Variants in TMEM72 observed in about 807,000 individuals in gnomAD.
TMEM72 encodes transmembrane protein 72.
Under a neutral mutation model 16.3 loss-of-function variants are expected in TMEM72, and 9 were observed. The observed-to-expected ratio is 0.55, with a 90% CI of 0.33 to 0.96. The LOEUF (loss-of-function observed/expected upper bound fraction) is 0.96. Ranked by LOEUF, TMEM72 falls within the 40% of genes least tolerant of loss-of-function variation. TMEM72 has a pLI of 0.03. For synonymous variants in TMEM72, 160 were observed against 146.5 expected (o/e 1.09, Z -0.66); for missense variants, 324 against 337.8 (o/e 0.96, Z 0.32).
At chr10:44,913,616 C>T (rs1839970720) in intron 1 of TMEM72, among the ~76,000 whole-genome samples, 2 of 152,170 alleles carry the variant, frequency 1.3e-5, no homozygotes, top group Admixed American at 1.3e-4. Flanking sequence ...GAGCTCCCTT[C>T]TAATGGCCAG....
At position 44,934,704 on chromosome 10, in the gene TMEM72, G is replaced by T; in HGVS notation, c.398G>T (p.Arg133Leu). 6.2e-7 allele frequency: 1 copy of T among 1,608,246 alleles called. No homozygotes were observed. The highest frequency in any genetic ancestry group is 2.2e-5 in the East Asian group (1 of 44,798). Residue 133 changes from arginine to leucine, a missense_variant, in exon 5 of 5, where the codon CGG (arginine) becomes CTG (leucine). Coordinates refer to ENST00000389583, the MANE Select transcript of TMEM72 (RefSeq NM_001123376.3). ...TGLAYFLLSKRKKRKAAPEVL... is the reference protein window; with the variant it reads ...TGLAYFLLSKLKKRKAAPEVL... Reference sequence around the variant, plus strand: ...CTGGCCTACTTCCTTCTGAGCAAGCGGAAGAAGAGGAAAGCTGCCCCCGAG... The same window carrying T: ...CTGGCCTACTTCCTTCTGAGCAAGCTGAAGAAGAGGAAAGCTGCCCCCGAG...
At chr10:44,931,911 G>A (rs966403545) in intron 2 of TMEM72, 87 bp from the exon 3 acceptor site, 1 of 1,359,394 alleles carries the variant, frequency 7.4e-7, no homozygotes, top group Non-Finnish European at 1.0e-6. Context: ...TAGATGTGAT[G>A]TCAGGAGGCC....
chr10:44,911,439 G>A lies in TMEM72; in HGVS notation c.-74G>A. On this transcript the variant is annotated 5_prime_UTR_variant, in exon 1 of 5. Coordinates refer to ENST00000389583, the MANE Select transcript of TMEM72 (RefSeq NM_001123376.3). ...GCCAGCAGCCTCCTACCTACACAAG[G>A]GTGTTCGGGAGCATCTCAGGGCCGA... The A allele has an allele frequency of 6.8e-7, 1 of 1,478,864 alleles. No homozygotes were observed. Among genetic ancestry groups the A allele is most frequent in the Non-Finnish European group, 9.2e-7 (1 of 1,090,810 alleles). The allele number at this position is 1,478,864 out of a possible 1,614,324, so 91.6% of individuals were successfully genotyped here.
chr10:44,924,447 C>T (rs1840152358), intron 1 of TMEM72, among the ~76,000 whole-genome samples: 1 of 152,138 alleles, frequency 6.6e-6, no homozygotes, highest in African/African-American at 2.4e-5. Context: ...CTAAGCATAC[C>T]ACAGCCATGA....
At chr10:44,925,191 A>T (rs1554800868) in intron 1 of TMEM72, among the ~76,000 whole-genome samples, 3 of 151,980 alleles carry the variant, frequency 2.0e-5, no homozygotes, top group Non-Finnish European at 4.4e-5. Context: ...CTCTGTTGCC[A>T]TTTTTTTTAT....
chr10:44,911,475 G>A lies in TMEM72; in HGVS notation c.-38G>A, dbSNP rs1218382955. ...GCATCTCAGGGCCGAAGACTTTGCTGCCTGCCCTGCCAGGACTTTGTCCTC... is the reference window on the plus strand; with the variant it reads ...GCATCTCAGGGCCGAAGACTTTGCTACCTGCCCTGCCAGGACTTTGTCCTC... On this transcript the variant is annotated 5_prime_UTR_variant, in exon 1 of 5. Transcript: ENST00000389583. 1.3e-6 allele frequency: 2 copies of A among 1,545,788 alleles called. No individual in the cohort carries two copies. The highest frequency in any genetic ancestry group is 2.7e-5 in the African/African-American group (2 of 72,978).
chr10:44,934,696 G>A lies in TMEM72; in HGVS notation c.390G>A (p.Leu130=). Residue 130 remains leucine, a synonymous_variant, in exon 5 of 5, where the codon CTG becomes CTA. Coordinates refer to ENST00000389583, the MANE Select transcript of TMEM72 (RefSeq NM_001123376.3). ...TCACCGGCCTGGCCTACTTCCTTCT[G>A]AGCAAGCGGAAGAAGAGGAAAGCTG... ...LIITGLAYFL[L]SKRKKRKAAP... 6.2e-7 allele frequency: 1 copy of A among 1,606,586 alleles called. No individual in the cohort carries two copies. The highest frequency in any genetic ancestry group is 8.5e-7 in the Non-Finnish European group (1 of 1,177,122).
chr10:44,931,728 C>A (rs947434531), intron 2 of TMEM72: 22 of 489,666 alleles, frequency 4.5e-5, no homozygotes, highest in Non-Finnish European at 7.0e-5. Context: ...GCCAGTGTCA[C>A]ACAGGGTGCC....
chr10:44,920,817 G>C (rs563800690), intron 1 of TMEM72, among the ~76,000 whole-genome samples: 1 of 152,364 alleles, frequency 6.6e-6, no homozygotes, highest in Admixed American at 6.5e-5. Context: ...ATAAGATGCA[G>C]ACCAAAGAGT....
chr10:44,928,219 C>T (rs891619637), intron 2 of TMEM72, among the ~76,000 whole-genome samples: 2 of 152,014 alleles, frequency 1.3e-5, no homozygotes, highest in Non-Finnish European at 2.9e-5. Flanking sequence ...TTGATCCAGC[C>T]AGCCACCCAT....
intron 1 of TMEM72, among the ~76,000 whole-genome samples, chr10:44,923,672 G>C: frequency 6.6e-6 from 1 of 152,200 alleles, no homozygotes; most frequent in East Asian, 1.9e-4. Flanking sequence ...GGGCAACAGG[G>C]CTGACATGCC....
chr10:44,916,895 G>C lies in TMEM72; in HGVS notation c.70+5313G>C, dbSNP rs933331156. Among the ~76,000 whole-genome samples, 28 of 152,094 alleles carry C rather than the reference G, an allele frequency of 1.8e-4. 1 individual carries two copies. Among genetic ancestry groups the C allele is most frequent in the African/African-American group, 6.8e-4 (28 of 41,346 alleles). On this transcript the variant is annotated intron_variant, in intron 1 of 4. Coordinates refer to ENST00000389583, the MANE Select transcript of TMEM72 (RefSeq NM_001123376.3). ...GGTTTCATTTACTTGGCAAACTGTTGCTGAGTCCCCAGTGATCTGCTCCTG... is the reference window on the plus strand; with the variant it reads ...GGTTTCATTTACTTGGCAAACTGTTCCTGAGTCCCCAGTGATCTGCTCCTG...
chr10:44,918,101 C>A (rs917726374), intron 1 of TMEM72, among the ~76,000 whole-genome samples: 2 of 152,054 alleles, frequency 1.3e-5, no homozygotes, highest in African/African-American at 4.8e-5. Context: ...TGGGGGAATT[C>A]CTCTTTTTAA....
intron 1 of TMEM72, among the ~76,000 whole-genome samples, chr10:44,921,252 G>A (rs528639199): frequency 2.8e-4 from 43 of 152,316 alleles, no homozygotes; most frequent in African/African-American, 8.7e-4. Flanking sequence ...AGACAGAGGC[G>A]TGGGGTGAGC....
chr10:44,919,763 T>C (rs1235917136), intron 1 of TMEM72, among the ~76,000 whole-genome samples: 2 of 152,196 alleles, frequency 1.3e-5, no homozygotes, highest in African/African-American at 4.8e-5. Context: ...TCCAACTGAA[T>C]GTCCAGAAAT....
rs750679745 is a variant in TMEM72, at chr10:44,936,083, AG to A, written c.*951del. 1 of 152,288 alleles carries A rather than the reference AG, an allele frequency of 6.6e-6. No homozygotes were observed. The highest frequency in any genetic ancestry group is 1.5e-5 in the Non-Finnish European group (1 of 68,062). 9.4% of individuals were successfully genotyped at this position (152,288 alleles called of 1,614,324 possible). The stretch of plus-strand genomic sequence containing the variant: ...GGAGGATAGGAGGAAGTGGGCAGGC[AG>A]GCAAGTTCTCTGCCATGGGGCCACG... On this transcript the variant is annotated 3_prime_UTR_variant, in exon 5 of 5. Coordinates refer to ENST00000389583, the MANE Select transcript of TMEM72 (RefSeq NM_001123376.3).
chr10:44,922,403 A>T (rs928774681), intron 1 of TMEM72, among the ~76,000 whole-genome samples: 7 of 152,334 alleles, frequency 4.6e-5, no homozygotes, highest in Non-Finnish European at 1.0e-4. Flanking sequence ...CCCTGGAAAA[A>T]AAACTTTTGG....
chr10:44,928,018 C>T lies in TMEM72; in HGVS notation c.137+31C>T, dbSNP rs17157260. 0.019 allele frequency: 30,286 copies of T among 1,609,510 alleles called. 3,057 individuals carry two copies. In the East Asian group the frequency reaches 0.32, roughly 17 times the overall value. ...TATGTGTGCATGTGCCACTTTTGAC[C>T]TGCAAGTTCTGCTCAACTCACCCTA... On this transcript the variant is annotated intron_variant, in intron 2 of 4. Coordinates refer to ENST00000389583, the MANE Select transcript of TMEM72 (RefSeq NM_001123376.3).
chr10:44,926,238 C>T (rs1273851064), intron 1 of TMEM72, among the ~76,000 whole-genome samples: 1 of 152,204 alleles, frequency 6.6e-6, no homozygotes, highest in Non-Finnish European at 1.5e-5. Context: ...TACACACACA[C>T]ACGTGTCCAC....
Sources: allele counts gnomAD v4.1 joint callset (sites outside exome capture counted in the v4.1 genomes callset), GRCh38; gene constraint gnomAD v4.1.1; transcripts MANE v1.5; gene names NCBI Gene and HGNC (gene_info 2026-07-23, HGNC 2026-07-21).